Variants in SAMMSON observed in about 807,000 individuals in gnomAD.
The protein encoded by SAMMSON is survival associated mitochondrial melanoma specific oncogenic non-coding RNA, also known as long intergenic non-protein coding RNA 1212.
intron 7 of SAMMSON, among the ~76,000 whole-genome samples, chr3:70,304,749 T>C (rs1474246505): frequency 2.0e-5 from 3 of 152,206 alleles, no homozygotes; most frequent in Admixed American, 6.5e-5. Context: ...CCTCATGCAA[T>C]ATAAATGACT....
chr3:70,043,083 A>G (rs184043963), intron 3 of SAMMSON, among the ~76,000 whole-genome samples: 2 of 152,248 alleles, frequency 1.3e-5, no homozygotes, highest in East Asian at 3.9e-4. Flanking sequence ...TTTCTATTGT[A>G]TTTAGGTCAA....
intron 4 of SAMMSON, among the ~76,000 whole-genome samples, chr3:70,075,777 T>C (rs1245673880): frequency 1.3e-5 from 2 of 152,130 alleles, no homozygotes; most frequent in East Asian, 3.9e-4. Context: ...TAGTGGATTA[T>C]GTCGAGCTCC....
intron 4 of SAMMSON, among the ~76,000 whole-genome samples, chr3:70,145,724 T>C (rs2067546297): frequency 6.6e-6 from 1 of 152,010 alleles, no homozygotes; most frequent in Non-Finnish European, 1.5e-5. Context: ...ATTTATAGCA[T>C]TAGCTGCTTA....
At chr3:70,328,201 G>A (rs897804969) in intron 7 of SAMMSON, among the ~76,000 whole-genome samples, 3 of 152,178 alleles carry the variant, frequency 2.0e-5, no homozygotes, top group African/African-American at 4.8e-5. Context: ...TCCACAACAC[G>A]TGGGAATTAT....
intron 3 of SAMMSON, among the ~76,000 whole-genome samples, chr3:70,038,989 G>T (rs2067096389): frequency 6.6e-6 from 1 of 152,138 alleles, no homozygotes; most frequent in African/African-American, 2.4e-5. Context: ...TAGAGCCTGA[G>T]ACAGGGATGT....
At chr3:70,100,527 G>T (rs112749877) in intron 4 of SAMMSON, among the ~76,000 whole-genome samples, 1 of 426 alleles carries the variant, frequency 2.3e-3, no homozygotes, top group African/African-American at 3.2e-3. Context: ...GGGGGGGGGG[G>T]GGGGGGAAGC....
chr3:70,352,705 A>G (rs1702802294), intron 7 of SAMMSON, among the ~76,000 whole-genome samples: 2 of 152,294 alleles, frequency 1.3e-5, no homozygotes, highest in African/African-American at 4.8e-5. Context: ...CATATAGAAT[A>G]AATATTTCAA....
At chr3:70,068,305 A>G (rs2067217785) in intron 3 of SAMMSON, 1 of 152,092 alleles carries the variant, frequency 6.6e-6, no homozygotes, top group South Asian at 2.1e-4. Context: ...TAAAAATAAG[A>G]TAAGAAATAT....
At chr3:70,274,368 T>G (rs1022470651) in intron 6 of SAMMSON, among the ~76,000 whole-genome samples, 11 of 151,400 alleles carry the variant, frequency 7.3e-5, no homozygotes, top group African/African-American at 2.5e-4. Flanking sequence ...TTAATTCTCT[T>G]GAAATATAGA....
chr3:70,023,329 C>A (rs559696314), intron 3 of SAMMSON, among the ~76,000 whole-genome samples: 30 of 151,750 alleles, frequency 2.0e-4, no homozygotes, highest in African/African-American at 6.8e-4. Flanking sequence ...GGCGTGGTGG[C>A]AGACGCCTTT....
chr3:70,123,800 G>T (rs1252794743), intron 4 of SAMMSON, among the ~76,000 whole-genome samples: 1 of 152,212 alleles, frequency 6.6e-6, no homozygotes, highest in African/African-American at 2.4e-5. Context: ...ATGTGTTGGG[G>T]GCAGGGAGAG....
intron 7 of SAMMSON, among the ~76,000 whole-genome samples, chr3:70,339,580 G>A (rs192707199): frequency 1.8e-3 from 280 of 152,070 alleles, no homozygotes; most frequent in African/African-American, 6.4e-3. Context: ...AACCCCATCA[G>A]CAAGTGGGCG....
intron 4 of SAMMSON, among the ~76,000 whole-genome samples, chr3:70,192,755 T>C (rs1361895131): frequency 6.6e-6 from 1 of 152,222 alleles, no homozygotes; most frequent in Non-Finnish European, 1.5e-5. Flanking sequence ...TCACATGTAA[T>C]ATTTGGGACA....
At chr3:70,349,582 G>C (rs1378520001) in intron 7 of SAMMSON, among the ~76,000 whole-genome samples, 1 of 152,100 alleles carries the variant, frequency 6.6e-6, no homozygotes, top group Non-Finnish European at 1.5e-5. Flanking sequence ...GTTGAGAGGA[G>C]GAAAAATAAC....
chr3:70,186,829 G>A (rs1056445706), intron 4 of SAMMSON, among the ~76,000 whole-genome samples: 1 of 152,186 alleles, frequency 6.6e-6, no homozygotes, highest in Non-Finnish European at 1.5e-5. Flanking sequence ...TTGTCAGAGG[G>A]AGTCTTTTCC....
At chr3:70,154,606 A>G (rs903363045) in intron 4 of SAMMSON, among the ~76,000 whole-genome samples, 1 of 152,094 alleles carries the variant, frequency 6.6e-6, no homozygotes, top group African/African-American at 2.4e-5. Context: ...AGAGCATAGG[A>G]AAATAATAAA....
At chr3:70,307,329 G>A (rs1017375928) in intron 7 of SAMMSON, among the ~76,000 whole-genome samples, 2 of 152,152 alleles carry the variant, frequency 1.3e-5, no homozygotes, top group African/African-American at 2.4e-5. Context: ...CACTTCAAAC[G>A]CTGACAATGC....
chr3:70,254,219 T>A (rs2106654819), intron 6 of SAMMSON, among the ~76,000 whole-genome samples: 1 of 152,318 alleles, frequency 6.6e-6, no homozygotes, highest in Non-Finnish European at 1.5e-5. Flanking sequence ...TTAACAGCTG[T>A]GAAGTCTGCA....
At chr3:70,222,631 C>T (rs1701471333) in intron 4 of SAMMSON, among the ~76,000 whole-genome samples, 2 of 152,068 alleles carry the variant, frequency 1.3e-5, no homozygotes, top group South Asian at 4.1e-4. Flanking sequence ...TAAGATGGAA[C>T]CTTAGGGCCT....
Sources: allele counts gnomAD v4.1 joint callset (sites outside exome capture counted in the v4.1 genomes callset), GRCh38; gene constraint gnomAD v4.1.1; transcripts MANE v1.5; gene names NCBI Gene and HGNC (gene_info 2026-07-23, HGNC 2026-07-21).